Variants in CMSS1 observed in about 807,000 individuals in gnomAD.
CMSS1 encodes protein CMSS1.
CMSS1 carries 33 observed loss-of-function variants against 43.5 expected under a neutral mutation model. The ratio of observed to expected loss-of-function variants is 0.76; its 90% confidence interval spans 0.57 to 1.01. CMSS1 has a LOEUF of 1.01. Ranked by LOEUF, CMSS1 falls within the 50% of genes least tolerant of loss-of-function variation. The pLI, the probability that CMSS1 is intolerant of heterozygous loss-of-function variation, is 0.00. For missense variants in CMSS1, 313 were observed against 326.4 expected (o/e 0.96, Z 0.32); for synonymous variants, 115 against 117.2 (o/e 0.98, Z 0.12).
intron 1 of CMSS1, among the ~76,000 whole-genome samples, chr3:100,005,643 A>G (rs1709965679): frequency 6.6e-6 from 1 of 152,218 alleles, no homozygotes; most frequent in African/African-American, 2.4e-5. Context: ...AGCCAGAAAT[A>G]TTTGTTTTAA....
chr3:100,038,109 C>T (rs1373128375), intron 1 of CMSS1, among the ~76,000 whole-genome samples: 8 of 151,928 alleles, frequency 5.3e-5, no homozygotes, highest in Admixed American at 2.0e-4. Flanking sequence ...GCACCTGCCA[C>T]CATGTCCAGC....
chr3:100,048,792 C>T (rs2065320709), intron 1 of CMSS1, among the ~76,000 whole-genome samples: 2 of 151,986 alleles, frequency 1.3e-5, no homozygotes, highest in Admixed American at 6.6e-5. Flanking sequence ...GGTTTTTCTC[C>T]TAGGACATTT....
chr3:100,023,630 G>A (rs1351400398), intron 1 of CMSS1: 1 of 152,396 alleles, frequency 6.6e-6, no homozygotes, highest in Non-Finnish European at 1.5e-5. Context: ...CTCTAATAAT[G>A]TAGATCTCCA....
chr3:99,850,226 A>ATTC, intron 1 of CMSS1: 1 of 1,613,530 alleles, frequency 6.2e-7, no homozygotes, highest in Non-Finnish European at 8.5e-7. Context: ...TTTAGAGTGA[A>ATTC]TTCTGTCTTT....
chr3:99,981,566 A>G (rs1236329558), intron 1 of CMSS1, among the ~76,000 whole-genome samples: 1 of 152,192 alleles, frequency 6.6e-6, no homozygotes, highest in Non-Finnish European at 1.5e-5. Flanking sequence ...ATATCTATAT[A>G]CCTATATACT....
chr3:100,048,351 G>A (rs2065311383), intron 1 of CMSS1, among the ~76,000 whole-genome samples: 2 of 152,168 alleles, frequency 1.3e-5, no homozygotes, highest in South Asian at 2.1e-4. Flanking sequence ...CAGAGCCTTC[G>A]GCACTGCCAG....
At chr3:100,074,674 G>GA (rs2065818526) in intron 1 of CMSS1, among the ~76,000 whole-genome samples, 7 of 25,126 alleles carry the variant, frequency 2.8e-4, no homozygotes, top group Admixed American at 1.2e-3. Flanking sequence ...TGCAACATTT[G>GA]ATTTTTTTTT....
intron 1 of CMSS1, among the ~76,000 whole-genome samples, chr3:100,125,041 A>G (rs1277267678): frequency 6.6e-6 from 1 of 152,002 alleles, no homozygotes; most frequent in Non-Finnish European, 1.5e-5. Flanking sequence ...CATTATTCCA[A>G]TATCTCCATT....
Position 100,005,746 on chromosome 3 carries a change from T to C in CMSS1, c.65-141227T>C, listed in dbSNP as rs1336381022. Among the ~76,000 whole-genome samples, 4 of 152,324 alleles carry C rather than the reference T, an allele frequency of 2.6e-5. No homozygotes were observed. The East Asian group carries it at 7.7e-4, about 29-fold the overall frequency. ...CAGTCATAATAAACACACTTGGTTA[T>C]GAGGAAGAGTGTTGTGAATTCAGAA... is the stretch of plus-strand genomic sequence containing the variant. On this transcript the variant is annotated intron_variant, in intron 1 of 9. Coordinates refer to ENST00000421999, the MANE Select transcript of CMSS1 (RefSeq NM_032359.4).
intron 1 of CMSS1, among the ~76,000 whole-genome samples, chr3:100,115,575 GTCTCTCTCTC>G (rs66793218): frequency 0.021 from 2,094 of 97,866 alleles, 29 homozygotes; most frequent in African/African-American, 0.059. Context: ...CTCTCTCTCT[GTCTCTCTCTC>G]TCTCTCTCTC....
At chr3:99,926,506 T>C (rs187563239) in intron 1 of CMSS1, among the ~76,000 whole-genome samples, 2 of 152,326 alleles carry the variant, frequency 1.3e-5, no homozygotes, top group East Asian at 3.9e-4. Flanking sequence ...TCAAATCAAC[T>C]CCTTTTGCAA....
chr3:100,027,028 A>G (rs1576652026), intron 1 of CMSS1, among the ~76,000 whole-genome samples: 1 of 151,444 alleles, frequency 6.6e-6, no homozygotes, highest in African/African-American at 2.4e-5. Flanking sequence ...GCTGTTCCCT[A>G]TTTTTCCAGG....
chr3:99,965,885 C>T (rs1444410409), intron 1 of CMSS1, among the ~76,000 whole-genome samples: 2 of 152,166 alleles, frequency 1.3e-5, no homozygotes, highest in Non-Finnish European at 2.9e-5. Flanking sequence ...GTTGTCCAGC[C>T]TGCCGCCACT....
intron 1 of CMSS1, among the ~76,000 whole-genome samples, chr3:100,004,114 G>A (rs948355176): frequency 1.3e-5 from 2 of 152,122 alleles, no homozygotes; most frequent in Non-Finnish European, 2.9e-5. Context: ...GACAGTATTG[G>A]CTTCCTGCAT....
intron 1 of CMSS1, among the ~76,000 whole-genome samples, chr3:99,843,490 T>C (rs1355537340): frequency 6.6e-6 from 1 of 152,242 alleles, no homozygotes; most frequent in East Asian, 1.9e-4. Flanking sequence ...AGAGGGACTA[T>C]GGTCAGAATA....
chr3:100,062,315 G>A (rs1390830960), intron 1 of CMSS1, among the ~76,000 whole-genome samples: 1 of 151,726 alleles, frequency 6.6e-6, no homozygotes, highest in African/African-American at 2.4e-5. Flanking sequence ...GTTTCACCGT[G>A]TTAGCCAGAA....
chr3:100,012,875 G>A lies in CMSS1; in HGVS notation c.65-134098G>A, dbSNP rs1710201880. On this transcript the variant is annotated intron_variant, in intron 1 of 9. Coordinates refer to ENST00000421999, the MANE Select transcript of CMSS1 (RefSeq NM_032359.4). ...TGCAGCTTCCACCTCCCAGGCTCAA[G>A]CAGTCCTCCCATCTCAGCCTCCTAA... Among the ~76,000 whole-genome samples, 3 of 150,884 alleles carry A rather than the reference G, an allele frequency of 2.0e-5. No homozygotes were observed. The South Asian group carries it at 6.3e-4, about 32-fold the overall frequency.
Position 99,984,481 on chromosome 3 carries a change from C to G in CMSS1, c.65-162492C>G, listed in dbSNP as rs567946556. Among the ~76,000 whole-genome samples, 44 of 152,292 alleles carry G rather than the reference C, an allele frequency of 2.9e-4. No homozygotes were observed. The South Asian group carries it at 3.1e-3, about 11-fold the overall frequency. On this transcript the variant is annotated intron_variant, in intron 1 of 9. Coordinates refer to ENST00000421999, the MANE Select transcript of CMSS1 (RefSeq NM_032359.4). ...ACTCTAAAGATTTGTGAAATTCTATCATTTGCATTAACTTTCTGATAAATT... is the reference window on the plus strand; with the variant it reads ...ACTCTAAAGATTTGTGAAATTCTATGATTTGCATTAACTTTCTGATAAATT...
intron 1 of CMSS1, chr3:99,848,099 C>G: frequency 7.1e-7 from 1 of 1,417,064 alleles, no homozygotes; most frequent in South Asian, 1.7e-5. Flanking sequence ...ACAGTAAGTG[C>G]ACACTCGATA....
Sources: gnomAD v4.1 joint callset for allele counts (sites outside exome capture counted in the v4.1 genomes callset) on GRCh38, gnomAD v4.1.1 for gene constraint, MANE v1.5 for transcripts, NCBI Gene and HGNC (gene_info 2026-07-23, HGNC 2026-07-21) for gene names.